ZNF267: variants seen among roughly 807,000 people sequenced by gnomAD.
The protein encoded by ZNF267 is zinc finger (C2H2).
A neutral mutation model predicts 71.6 loss-of-function variants in ZNF267; 61 were observed. That is an observed-to-expected ratio of 0.85 (90% confidence interval 0.69 to 1.05). The LOEUF (loss-of-function observed/expected upper bound fraction) is 1.05. ZNF267 is among the 50% of genes least tolerant of loss of function. The pLI, the probability that ZNF267 is intolerant of heterozygous loss-of-function variation, is 0.00. For synonymous variants in ZNF267, 288 were observed against 293.2 expected (o/e 0.98, Z 0.18); for missense variants, 852 against 870.0 (o/e 0.98, Z 0.26).
chr16:31,912,112 C>T (rs1437723687), intron 3 of ZNF267: 1 of 151,504 alleles, frequency 6.6e-6, no homozygotes, highest in Admixed American at 6.6e-5. Context: ...TTATAATACT[C>T]AGTTTTTCTC....
At chr16:31,885,344 T>A (rs1288295689) in intron 3 of ZNF267, 88 bp downstream of exon 3, 2 of 1,171,442 alleles carry the variant, frequency 1.7e-6, no homozygotes, top group Admixed American at 3.1e-5. Context: ...ATTGGGAAGT[T>A]CTCCAGTGGA....
chr16:31,877,558 G>T (rs1207925152), intron 1 of ZNF267, among the ~76,000 whole-genome samples: 1 of 152,158 alleles, frequency 6.6e-6, no homozygotes, highest in African/African-American at 2.4e-5. Context: ...GGCTGTGAGT[G>T]TGTCAAAGTC....
chr16:31,875,296 G>C (rs1177869745), intron 1 of ZNF267: 1 of 1,288,958 alleles, frequency 7.8e-7, no homozygotes, highest in South Asian at 1.2e-5. Context: ...TTAGAGGACC[G>C]CCCAAGGTAT....
chr16:31,902,335 T>G (rs1023530088), intron 3 of ZNF267, among the ~76,000 whole-genome samples: 9 of 152,122 alleles, frequency 5.9e-5, no homozygotes, highest in African/African-American at 2.2e-4. Context: ...GTGAAGAAAG[T>G]CATTGGTAGC....
At chr16:31,883,615 A>G (rs573630702) in intron 1 of ZNF267, among the ~76,000 whole-genome samples, 2 of 152,336 alleles carry the variant, frequency 1.3e-5, no homozygotes, top group African/African-American at 4.8e-5. Flanking sequence ...TATTTGGAAA[A>G]TAATTTTTAT....
intron 1 of ZNF267, among the ~76,000 whole-genome samples, chr16:31,881,465 C>G (rs1237705767): frequency 6.6e-6 from 1 of 152,078 alleles, no homozygotes; most frequent in Non-Finnish European, 1.5e-5. Context: ...TCCCCAAACC[C>G]AAAAGCAGGT....
At chr16:31,914,195 C>T (rs184604725) in intron 3 of ZNF267, 46 of 345,566 alleles carry the variant, frequency 1.3e-4, no homozygotes, top group Non-Finnish European at 2.0e-4. Flanking sequence ...CTGTGCTCTC[C>T]GTCTCCCAAA....
intron 1 of ZNF267, chr16:31,874,398 A>C: frequency 6.1e-6 from 1 of 163,586 alleles, no homozygotes; most frequent in Non-Finnish European, 1.3e-5. Flanking sequence ...AATTTGAGCA[A>C]ATAGCGATTT....
intron 1 of ZNF267, among the ~76,000 whole-genome samples, chr16:31,881,184 T>C (rs1002245253): frequency 6.6e-6 from 1 of 152,224 alleles, no homozygotes; most frequent in African/African-American, 2.4e-5. Context: ...TGTTACAAAA[T>C]AGGATGAAGC....
intron 3 of ZNF267, among the ~76,000 whole-genome samples, chr16:31,910,926 G>A (rs1268640924): frequency 2.6e-5 from 4 of 151,054 alleles, no homozygotes; most frequent in Admixed American, 6.6e-5. Context: ...TTTCAATTTC[G>A]TTCTTAATTT....
Position 31,915,599 on chromosome 16 carries a change from C to T in ZNF267, c.1350C>T (p.Cys450=). Reference sequence around the variant, plus strand: ...GAAAAGCTTTTAACCGTAGTTCATGCCTTACTCAACATCAGACAACTCATA... The same window carrying T: ...GAAAAGCTTTTAACCGTAGTTCATGTCTTACTCAACATCAGACAACTCATA... The part of the protein sequence containing the change: ...ECGKAFNRSS[C]LTQHQTTHTG... The change falls in exon 4 of 4, where the codon TGC becomes TGT. Residue 450 remains cysteine (C), a synonymous_variant. Coordinates refer to ENST00000300870, the MANE Select transcript of ZNF267 (RefSeq NM_003414.6). 1.9e-6 allele frequency: 3 copies of T among 1,613,570 alleles called. No individual in the cohort carries two copies. Among genetic ancestry groups the T allele is most frequent in the Non-Finnish European group, 2.5e-6 (3 of 1,179,910 alleles).
At chr16:31,898,159 G>A (rs1273987657) in intron 3 of ZNF267, among the ~76,000 whole-genome samples, 2 of 152,100 alleles carry the variant, frequency 1.3e-5, no homozygotes, top group Non-Finnish European at 1.5e-5. Flanking sequence ...GACATTAGGT[G>A]CATATATGCT....
chr16:31,914,612 G>T lies in ZNF267; in HGVS notation c.363G>T (p.Glu121Asp). The T allele has an allele frequency of 2.5e-6, 4 of 1,614,144 alleles. No individual in the cohort carries two copies. The highest frequency in any genetic ancestry group is 3.4e-6 in the Non-Finnish European group (4 of 1,180,018). ...LHLRKRWKRE[E>D]CEGHNGCYDE... ...TAAGAAAAAGGTGGAAAAGGGAGGA[G>T]TGTGAAGGGCACAATGGATGTTATG... The change falls in exon 4 of 4, where the codon GAG becomes GAT. Residue 121 changes from glutamate to aspartate, a missense_variant. Coordinates refer to ENST00000300870, the MANE Select transcript of ZNF267 (RefSeq NM_003414.6).
intron 3 of ZNF267, among the ~76,000 whole-genome samples, chr16:31,887,926 T>C (rs1357443399): frequency 6.6e-6 from 1 of 152,148 alleles, no homozygotes; most frequent in Non-Finnish European, 1.5e-5. Flanking sequence ...CATTAAAATG[T>C]CAATACAGAT....
chr16:31,916,083 G>A lies in ZNF267; in HGVS notation c.1834G>A (p.Ala612Thr). The change falls in exon 4 of 4, where the codon GCC (alanine) becomes ACC (threonine). Residue 612 changes from alanine (A) to threonine (T), a missense_variant. Physicochemically the swap from Ala to Thr is moderately conservative, Grantham distance 58 (BLOSUM62 0). Coordinates refer to ENST00000300870, the MANE Select transcript of ZNF267 (RefSeq NM_003414.6). ...KPYTCKECGK[A>T]FSYSSDVIQH... ...CTATACATGTAAAGAATGTGGCAAAGCCTTTAGTTATAGTTCAGATGTTAT... is the reference window on the plus strand; with the variant it reads ...CTATACATGTAAAGAATGTGGCAAAACCTTTAGTTATAGTTCAGATGTTAT... 1.9e-6 allele frequency: 3 copies of A among 1,614,116 alleles called. No individual in the cohort carries two copies. The highest frequency in any genetic ancestry group is 1.7e-6 in the Non-Finnish European group (2 of 1,180,020).
rs960612756 is a variant in ZNF267, at chr16:31,873,982, G to A, written c.3+13G>A. 130 of 1,611,738 alleles carry A rather than the reference G, an allele frequency of 8.1e-5. No individual in the cohort carries two copies. Among genetic ancestry groups the A allele is most frequent in the Non-Finnish European group, 1.1e-4 (124 of 1,178,430 alleles). Reference sequence around the variant, plus strand: ...AAGCTGGGAAATGGTGAGTGTGCGGGGTCGGGGGTCCCCAGAGGGAGGGAG... The same window carrying A: ...AAGCTGGGAAATGGTGAGTGTGCGGAGTCGGGGGTCCCCAGAGGGAGGGAG... On this transcript the variant is annotated intron_variant, in intron 1 of 3. Coordinates refer to ENST00000300870, the MANE Select transcript of ZNF267 (RefSeq NM_003414.6).
intron 1 of ZNF267, among the ~76,000 whole-genome samples, chr16:31,876,194 C>A (rs907989596): frequency 6.6e-6 from 1 of 152,000 alleles, no homozygotes; most frequent in African/African-American, 2.4e-5. Context: ...GTTCTTTATC[C>A]TCTTGTCTGG....
intron 1 of ZNF267, among the ~76,000 whole-genome samples, chr16:31,877,158 C>G (rs2083858067): frequency 6.6e-6 from 1 of 152,102 alleles, no homozygotes; most frequent in Admixed American, 6.5e-5. Flanking sequence ...GGTTTTCCCC[C>G]TGTGTTTTCC....
At chr16:31,892,418 C>T (rs779355485) in intron 3 of ZNF267, among the ~76,000 whole-genome samples, 12 of 152,094 alleles carry the variant, frequency 7.9e-5, no homozygotes, top group Non-Finnish European at 1.2e-4. Context: ...CATATCATTC[C>T]GCCCCTGGCC....
Sources: gnomAD v4.1 joint callset for allele counts (sites outside exome capture counted in the v4.1 genomes callset) on GRCh38, gnomAD v4.1.1 for gene constraint, MANE v1.5 for transcripts, NCBI Gene and HGNC (gene_info 2026-07-23, HGNC 2026-07-21) for gene names.